PSG6: variants seen among roughly 807,000 people sequenced by gnomAD.
PSG6 encodes the protein pregnancy-specific beta-1-glycoprotein 6.
PSG6 carries 51 observed loss-of-function variants against 43.3 expected under a neutral mutation model. The observed-to-expected ratio is 1.18, with a 90% CI of 0.94 to 1.49. The LOEUF (loss-of-function observed/expected upper bound fraction) is 1.49. PSG6 is among the 40% of genes most tolerant of loss of function. The probability of loss-of-function intolerance (pLI) is 0.00; values close to 1 mark genes in which losing one functional copy is unlikely to be tolerated. For synonymous variants in PSG6, 292 were observed against 197.6 expected (o/e 1.48, Z -4.01); for missense variants, 770 against 522.2 (o/e 1.47, Z -4.62).
rs1170161082 is a variant in PSG6, at chr19:42,908,204, G to A, written c.707-350C>T. On this transcript the variant is annotated intron_variant, in intron 3 of 5. Transcript: ENST00000187910. ...GGTTCCTTACCTGGAATGTGCAACT[G>A]CTGGGCCCCTTCCAAATTACATCCT... Among the ~76,000 whole-genome samples the A allele has an allele frequency of 5.3e-5, 8 of 151,618 alleles. 1 individual carries two copies. Among genetic ancestry groups the A allele is most frequent in the Non-Finnish European group, 1.0e-4 (7 of 67,898 alleles).
chr19:42,916,586 T>A, intron 1 of PSG6, 99 bp from the exon 2 acceptor site: 1 of 1,460,654 alleles, frequency 6.8e-7, no homozygotes, highest in Non-Finnish European at 9.3e-7. Context: ...ATCATCAGCC[T>A]TGAAGATATG....
Position 42,902,370 on chromosome 19 carries a change from A to G in PSG6, c.*42T>C. 2.5e-6 allele frequency: 4 copies of G among 1,604,742 alleles called. No homozygotes were observed. The highest frequency in any genetic ancestry group is 3.4e-6 in the Non-Finnish European group (4 of 1,173,842). ...TCTTTGTCTTGAATTTCATGAAGGT[A>G]TCAACCTGTTCTTTTTCTCAGTGTC... On this transcript the variant is annotated 3_prime_UTR_variant, in exon 6 of 6. Transcript: ENST00000187910.
At chr19:42,914,110 G>C (rs1972278544) in intron 2 of PSG6, among the ~76,000 whole-genome samples, 2 of 151,718 alleles carry the variant, frequency 1.3e-5, no homozygotes, top group Admixed American at 6.6e-5. Flanking sequence ...TGGGGGAACT[G>C]CCTATCCCTG....
At position 42,908,065 on chromosome 19, in the gene PSG6, C is replaced by G. The variant is rs144416934; in HGVS notation, c.707-211G>C. On this transcript the variant is annotated intron_variant, in intron 3 of 5. Transcript: ENST00000187910. ...TGTCTTAGGGAAGCACAGACTTTCT[C>G]AAGTGTCAATTGAGCAGCAGTGTTG... 4.3e-3 allele frequency: 3,684 copies of G among 859,912 alleles called. 64 individuals are homozygous for G. The highest frequency in any genetic ancestry group is 7.6e-3 in the Middle Eastern group (21 of 2,766). 53.3% of individuals were successfully genotyped at this position (859,912 alleles called of 1,614,324 possible).
intron 5 of PSG6, among the ~76,000 whole-genome samples, chr19:42,904,649 A>G (rs1399831946): frequency 6.6e-6 from 1 of 151,808 alleles, no homozygotes; most frequent in Admixed American, 6.6e-5. Context: ...GATGACATCA[A>G]TAAATTGAAA....
intron 3 of PSG6, chr19:42,910,378 T>A (rs1231559738): frequency 9.6e-6 from 13 of 1,355,750 alleles, no homozygotes; most frequent in Non-Finnish European, 1.3e-5. Context: ...GAGTCTCCCA[T>A]GACAGGAGAA....
Position 42,913,791 on chromosome 19 carries a change from G to T in PSG6, c.427+2334C>A, listed in dbSNP as rs58527368. Among the ~76,000 whole-genome samples the T allele has an allele frequency of 5.2e-3, 786 of 151,622 alleles. 14 individuals carry two copies. The highest frequency in any genetic ancestry group is 0.018 in the African/African-American group (749 of 41,336). ...TGCCTAATGGCTCAGCCAGTCATGT[G>T]GCCCCTACCTAGAGGCAGATTCAAG... On this transcript the variant is annotated intron_variant, in intron 2 of 5. Transcript: ENST00000187910.
Position 42,916,499 on chromosome 19 carries a change from A to T in PSG6, c.65-12T>A, listed in dbSNP as rs772388839. The T allele has an allele frequency of 1.1e-5, 18 of 1,603,706 alleles. 1 individual carries two copies. In the South Asian group the frequency reaches 2.0e-4, roughly 18 times the overall value. On this transcript the variant is annotated splice_polypyrimidine_tract_variant and intron_variant, in intron 1 of 5. Transcript: ENST00000187910. ...GTTTAAAAGTGATGCTAGGAGGTAG[A>T]GACAGCATCAGTTAATATTTGGACC...
intron 5 of PSG6, among the ~76,000 whole-genome samples, chr19:42,903,410 C>A (rs545835561): frequency 2.3e-4 from 34 of 151,042 alleles, no homozygotes; most frequent in Non-Finnish European, 4.6e-4. Flanking sequence ...CAAACTAAAC[C>A]CAAGCACAGT....
chr19:42,910,942 C>T (rs1486929567), intron 2 of PSG6, 84 bp from the exon 3 acceptor site: 2 of 1,529,742 alleles, frequency 1.3e-6, no homozygotes, highest in Non-Finnish European at 1.8e-6. Context: ...TTGGCATTTC[C>T]AACCTCTCAG....
intron 2 of PSG6, among the ~76,000 whole-genome samples, chr19:42,912,958 A>C (rs1436237308): frequency 6.6e-6 from 1 of 151,724 alleles, no homozygotes; most frequent in East Asian, 1.9e-4. Flanking sequence ...CCACAACTAC[A>C]AAATTTAAAA....
In PSG6 at chr19:42,902,119, C is replaced by A. The variant is rs984562645; in HGVS notation, c.*293G>T. 3.5e-5 allele frequency: 12 copies of A among 340,394 alleles called. No individual in the cohort carries two copies. Among genetic ancestry groups the A allele is most frequent in the African/African-American group, 1.5e-4 (7 of 47,422 alleles). The allele number at this position is 340,394 out of a possible 1,614,324, so 21.1% of individuals were successfully genotyped here. The stretch of plus-strand genomic sequence containing the variant: ...TGCAAATAACTTTATTACCATAAAC[C>A]TATGAATACTCATGAATAGTTTCCC... On this transcript the variant is annotated 3_prime_UTR_variant, in exon 6 of 6. Coordinates refer to ENST00000187910, the MANE Select transcript of PSG6 (RefSeq NM_001031850.4).
intron 5 of PSG6, among the ~76,000 whole-genome samples, chr19:42,905,013 C>T (rs1244689356): frequency 6.6e-6 from 1 of 151,550 alleles, no homozygotes; most frequent in East Asian, 1.9e-4. Flanking sequence ...ATCGAGTGTG[C>T]CAAGATCGTT....
chr19:42,910,891 G>A lies in PSG6; in HGVS notation c.428-33C>T. ...GAAAACAGAGAGAAGATTGCCCTGT[G>A]TGGCACCTTTGATTCCTCCAAAGGC... On this transcript the variant is annotated intron_variant, in intron 2 of 5. Transcript: ENST00000187910. 3.8e-6 allele frequency: 6 copies of A among 1,574,316 alleles called. 1 individual carries two copies. Among genetic ancestry groups the A allele is most frequent in the Non-Finnish European group, 5.2e-6 (6 of 1,160,276 alleles).
chr19:42,911,514 G>A (rs915787190), intron 2 of PSG6, among the ~76,000 whole-genome samples: 4 of 151,620 alleles, frequency 2.6e-5, no homozygotes, highest in African/African-American at 9.7e-5. Context: ...AGAGTCCAAG[G>A]AATGACCTAC....
intron 5 of PSG6, among the ~76,000 whole-genome samples, chr19:42,905,119 A>G (rs542013349): frequency 1.3e-5 from 2 of 151,818 alleles, no homozygotes; most frequent in Non-Finnish European, 2.9e-5. Context: ...ACCATGTACA[A>G]AAATTAACCC....
In PSG6 at chr19:42,917,785, G is replaced by A. The variant is rs745820097; in HGVS notation, c.8C>T (p.Pro3Leu). The change falls in exon 1 of 6, where the codon CCC (proline) becomes CTC (leucine). Residue 3 changes from proline to leucine, a missense_variant. Coordinates refer to ENST00000187910, the MANE Select transcript of PSG6 (RefSeq NM_001031850.4). ...CTGAGTGCAGGGAGGGGCTGAGAGGGGTCCCATGGTCTCTGCTGTCTGTGT... is the reference window on the plus strand; with the variant it reads ...CTGAGTGCAGGGAGGGGCTGAGAGGAGTCCCATGGTCTCTGCTGTCTGTGT... MG[P>L]LSAPPCTQHI... 1.2e-6 allele frequency: 2 copies of A among 1,609,622 alleles called. No homozygotes were observed. Among genetic ancestry groups the A allele is most frequent in the Non-Finnish European group, 1.7e-6 (2 of 1,177,672 alleles).
At position 42,916,650 on chromosome 19, in the gene PSG6, GTGTA is replaced by G. The variant is rs1185980899; in HGVS notation, c.65-167_65-164del. ...CAAAAGGGCATGTGTGTTTGTGTGTGTGTATGTGTGTGTGTCCTACTGTCCTACT... is the reference window on the plus strand; with the variant it reads ...CAAAAGGGCATGTGTGTTTGTGTGTGTGTGTGTGTGTCCTACTGTCCTACT... On this transcript the variant is annotated intron_variant, in intron 1 of 5. Transcript: ENST00000187910. 1.2e-4 allele frequency among the ~76,000 whole-genome samples: 18 copies of G among 150,982 alleles called. 1 individual carries two copies. The highest frequency in any genetic ancestry group is 4.4e-4 in the African/African-American group (18 of 41,084).
chr19:42,903,727 A>G (rs1208620338), intron 5 of PSG6: 5 of 762,152 alleles, frequency 6.6e-6, no homozygotes, highest in Middle Eastern at 4.8e-4. Context: ...TGTCTCTACA[A>G]AAAAAAAAAA....
Sources: gnomAD v4.1 joint callset for allele counts (sites outside exome capture counted in the v4.1 genomes callset) on GRCh38, gnomAD v4.1.1 for gene constraint, MANE v1.5 for transcripts, NCBI Gene and HGNC (gene_info 2026-07-23, HGNC 2026-07-21) for gene names.